PLD5: variants seen among roughly 807,000 people sequenced by gnomAD.
PLD5 encodes the protein inactive phospholipase D5.
In PLD5, 36 loss-of-function variants were observed where a neutral mutation model predicts 61.1. The ratio of observed to expected loss-of-function variants is 0.59; its 90% confidence interval spans 0.45 to 0.78. PLD5 has a LOEUF of 0.78. Ranked by LOEUF, PLD5 falls within the 30% of genes least tolerant of loss-of-function variation. The pLI is 0.00. For missense variants in PLD5, 515 were observed against 644.4 expected (o/e 0.80, Z 2.17); for synonymous variants, 243 against 242.8 (o/e 1.00, Z -0.01).
chr1:242,419,732 G>A (rs1033064359), intron 1 of PLD5, among the ~76,000 whole-genome samples: 1 of 151,952 alleles, frequency 6.6e-6, no homozygotes, highest in Non-Finnish European at 1.5e-5. Flanking sequence ...TTTATTGCCA[G>A]CAAGGAGAAG....
chr1:242,385,347 C>G (rs978469178), intron 1 of PLD5, among the ~76,000 whole-genome samples: 6 of 152,166 alleles, frequency 3.9e-5, no homozygotes, highest in Non-Finnish European at 7.3e-5. Context: ...TGGCTCCTTG[C>G]TTCTAGCCCT....
At chr1:242,283,573 A>G (rs1185114939) in intron 3 of PLD5, among the ~76,000 whole-genome samples, 4 of 152,206 alleles carry the variant, frequency 2.6e-5, no homozygotes, top group Non-Finnish European at 4.4e-5. Flanking sequence ...ATTAATGAAA[A>G]AGAAGCTGTG....
intron 1 of PLD5, among the ~76,000 whole-genome samples, chr1:242,382,077 G>GGGT (rs1662313258): frequency 6.6e-6 from 1 of 151,320 alleles, no homozygotes; most frequent in Non-Finnish European, 1.5e-5. Context: ...GAGAAACAGT[G>GGGT]GGTGATTCCC....
intron 1 of PLD5, among the ~76,000 whole-genome samples, chr1:242,475,362 G>A (rs1667559939): frequency 6.9e-6 from 1 of 143,948 alleles, no homozygotes; most frequent in Non-Finnish European, 1.5e-5. Flanking sequence ...AGCGGAGCTT[G>A]CAGTGAGCCG....
chr1:242,407,249 T>A (rs1030237613), intron 1 of PLD5, among the ~76,000 whole-genome samples: 11 of 149,664 alleles, frequency 7.3e-5, no homozygotes, highest in African/African-American at 2.5e-4. Context: ...GTCACGATGG[T>A]GAGGCCTCCC....
chr1:242,266,074 A>G (rs1673650668), intron 3 of PLD5, among the ~76,000 whole-genome samples: 1 of 152,228 alleles, frequency 6.6e-6, no homozygotes, highest in South Asian at 2.1e-4. Context: ...AAAAAACAAA[A>G]TCAAAAATAA....
intron 1 of PLD5, among the ~76,000 whole-genome samples, chr1:242,381,486 C>T (rs756796479): frequency 2.6e-5 from 4 of 152,056 alleles, no homozygotes; most frequent in African/African-American, 7.2e-5. Context: ...AGCAAGCCAT[C>T]ACAGGGCACA....
chr1:242,519,285 T>A (rs1402614273), intron 1 of PLD5, among the ~76,000 whole-genome samples: 1 of 152,216 alleles, frequency 6.6e-6, no homozygotes, highest in Non-Finnish European at 1.5e-5. Flanking sequence ...AATCCATTTA[T>A]CCTTTGCTCC....
chr1:242,391,550 A>G (rs1277884383), intron 1 of PLD5, among the ~76,000 whole-genome samples: 1 of 104,324 alleles, frequency 9.6e-6, no homozygotes, highest in African/African-American at 4.1e-5. Flanking sequence ...AAAGGTTCGC[A>G]TTCTTTTAAT....
intron 2 of PLD5, among the ~76,000 whole-genome samples, chr1:242,298,893 C>T (rs1045712726): frequency 1.5e-4 from 23 of 152,006 alleles, no homozygotes; most frequent in Non-Finnish European, 1.8e-4. Flanking sequence ...AAGAGGAAAA[C>T]GGTGGAACGT....
intron 5 of PLD5, among the ~76,000 whole-genome samples, chr1:242,183,610 C>T (rs538684796): frequency 1.3e-5 from 2 of 152,266 alleles, no homozygotes; most frequent in South Asian, 2.1e-4. Context: ...AAAACAAACA[C>T]CTAGGCCGGG....
intron 1 of PLD5, among the ~76,000 whole-genome samples, chr1:242,454,686 G>A (rs1666893619): frequency 1.3e-5 from 2 of 152,156 alleles, no homozygotes; most frequent in South Asian, 2.1e-4. Flanking sequence ...GTAATAGAAA[G>A]GAAATTAAGG....
Position 242,198,873 on chromosome 1 carries a change from T to G in PLD5, c.735+21115A>C, listed in dbSNP as rs531265613. Among the ~76,000 whole-genome samples, 30 of 152,192 alleles carry G rather than the reference T, an allele frequency of 2.0e-4. No individual in the cohort carries two copies. In the East Asian group the frequency reaches 5.2e-3, roughly 26 times the overall value. On this transcript the variant is annotated intron_variant, in intron 5 of 9. Coordinates refer to ENST00000536534, the MANE Select transcript of PLD5 (RefSeq NM_001372062.1). Reference sequence around the variant, plus strand: ...CCACAGCCTCCTGAGTAGCTGGGATTACAGGCATGTGCCACCACGCCCAGC... The same window carrying G: ...CCACAGCCTCCTGAGTAGCTGGGATGACAGGCATGTGCCACCACGCCCAGC...
chr1:242,378,957 C>T (rs1278798439), intron 1 of PLD5, among the ~76,000 whole-genome samples: 3 of 152,138 alleles, frequency 2.0e-5, no homozygotes, highest in African/African-American at 7.2e-5. Context: ...TAGGTCTCTC[C>T]CTAAATAATC....
At chr1:242,203,965 G>A (rs958079935) in intron 5 of PLD5, among the ~76,000 whole-genome samples, 1 of 152,052 alleles carries the variant, frequency 6.6e-6, no homozygotes, top group Non-Finnish European at 1.5e-5. Flanking sequence ...GGCCGGTTGC[G>A]GTGGCTCACG....
At chr1:242,350,948 C>A (rs1660442382) in intron 1 of PLD5, among the ~76,000 whole-genome samples, 1 of 149,376 alleles carries the variant, frequency 6.7e-6, no homozygotes, top group Non-Finnish European at 1.5e-5. Flanking sequence ...GTTGCCCAGG[C>A]TGGAGTGCAA....
chr1:242,443,872 C>A (rs1666384381), intron 1 of PLD5, among the ~76,000 whole-genome samples: 1 of 152,078 alleles, frequency 6.6e-6, no homozygotes, highest in South Asian at 2.1e-4. Flanking sequence ...CTAGGACTTC[C>A]ATTTATTGCA....
chr1:242,423,435 A>C (rs1665252498), intron 1 of PLD5, among the ~76,000 whole-genome samples: 1 of 152,102 alleles, frequency 6.6e-6, no homozygotes, highest in South Asian at 2.1e-4. Context: ...GAAATACGTG[A>C]GTTATTAGAA....
chr1:242,103,485 C>T (rs1660833932), intron 8 of PLD5, among the ~76,000 whole-genome samples: 1 of 152,218 alleles, frequency 6.6e-6, no homozygotes, highest in Non-Finnish European at 1.5e-5. Context: ...TGTTCTTTTT[C>T]TCACTTCCTT....
Sources: allele counts gnomAD v4.1 joint callset (sites outside exome capture counted in the v4.1 genomes callset), GRCh38; gene constraint gnomAD v4.1.1; transcripts MANE v1.5; gene names NCBI Gene and HGNC (gene_info 2026-07-23, HGNC 2026-07-21).